DDRGK1: variants seen among roughly 807,000 people sequenced by gnomAD.
DDRGK1 encodes the protein DDRGK domain-containing protein 1.
DDRGK1 carries 38 observed loss-of-function variants against 45.8 expected under a neutral mutation model. The observed-to-expected ratio is 0.83, with a 90% CI of 0.64 to 1.09. The LOEUF (loss-of-function observed/expected upper bound fraction) is 1.09, where lower values mean the gene tolerates loss of function less well. Ranked by LOEUF, DDRGK1 falls within the 50% of genes least tolerant of loss-of-function variation. DDRGK1 has a pLI of 0.00. For synonymous variants in DDRGK1, 171 were observed against 168.7 expected, an observed-to-expected ratio of 1.01 and a Z score of -0.11; for missense variants, 403 against 419.9, an observed-to-expected ratio of 0.96 and a Z score of 0.35.
Position 3,204,570 on chromosome 20 carries a change from A to G in DDRGK1, c.58T>C (p.Phe20Leu). 6.3e-7 allele frequency: 1 copy of G among 1,579,918 alleles called. No homozygotes were observed. The highest frequency in any genetic ancestry group is 8.6e-7 in the Non-Finnish European group (1 of 1,168,840). Residue 20 changes from phenylalanine to leucine, a missense_variant, in exon 1 of 9, where the codon TTC becomes CTC. Coordinates refer to ENST00000354488, the MANE Select transcript of DDRGK1 (RefSeq NM_023935.3). ...AAALLVGFIL[F>L]LTRSRGRAAS... Reference sequence around the variant, plus strand: ...GCCCGGCCCCGGCTGCGAGTCAGGAAGAGGATAAAGCCGACTAGCAGAGCC... The same window carrying G: ...GCCCGGCCCCGGCTGCGAGTCAGGAGGAGGATAAAGCCGACTAGCAGAGCC...
At position 3,194,865 on chromosome 20, in the gene DDRGK1, G is replaced by C. The variant is rs2067003214; in HGVS notation, c.637C>G (p.Gln213Glu). The change falls in exon 6 of 9, where the codon CAG becomes GAG. Residue 213 changes from glutamine to glutamate, a missense_variant. Transcript: ENST00000354488. ...VGETMTEEQS[Q>E]SFLTEFINYI... ...TTGATGAACTCTGTCAGGAAGCTCT[G>C]GGACTAGAGAAGCAGAGAAATCAGG... The C allele has an allele frequency of 1.2e-6, 2 of 1,613,976 alleles. No homozygotes were observed. The highest frequency in any genetic ancestry group is 1.1e-5 in the South Asian group (1 of 91,078).
intron 2 of DDRGK1, among the ~76,000 whole-genome samples, chr20:3,201,549 T>C (rs891989990): frequency 2.0e-5 from 3 of 151,270 alleles, no homozygotes; most frequent in African/African-American, 7.3e-5. Context: ...CAGATTAAAA[T>C]ATGCAAGTGT....
chr20:3,204,528 A>G lies in DDRGK1; in HGVS notation c.91+9T>C. ...GTACCACCAACCCTGGTGCAGCGGC[A>G]TCTCCTACCTGATGCCGCCCGGCCC... On this transcript the variant is annotated intron_variant, in intron 1 of 8. Coordinates refer to ENST00000354488, the MANE Select transcript of DDRGK1 (RefSeq NM_023935.3). 3 of 1,554,994 alleles carry G rather than the reference A, an allele frequency of 1.9e-6. No individual in the cohort carries two copies. Among genetic ancestry groups the G allele is most frequent in the Non-Finnish European group, 2.6e-6 (3 of 1,156,894 alleles).
chr20:3,192,483 C>T (rs1318763045), intron 6 of DDRGK1, among the ~76,000 whole-genome samples: 2 of 152,190 alleles, frequency 1.3e-5, no homozygotes, highest in East Asian at 1.9e-4. Flanking sequence ...CTTCGCTGGC[C>T]GCCCCACTGG....
At chr20:3,191,605 G>T in intron 7 of DDRGK1, 160 bp downstream of exon 7, 1 of 874,390 alleles carries the variant, frequency 1.1e-6, no homozygotes, top group Non-Finnish European at 1.9e-6. Flanking sequence ...CATTAAAAAT[G>T]CAGGATTCCC....
chr20:3,197,502 G>A (rs1485184295), intron 4 of DDRGK1, among the ~76,000 whole-genome samples: 2 of 152,150 alleles, frequency 1.3e-5, no homozygotes, highest in Non-Finnish European at 2.9e-5. Flanking sequence ...TGCATATTTG[G>A]TATGTTGCAT....
At chr20:3,191,065 C>A (rs1336764150) in intron 8 of DDRGK1, 125 bp downstream of exon 8, 3 of 1,314,520 alleles carry the variant, frequency 2.3e-6, no homozygotes, top group Non-Finnish European at 2.1e-6. Context: ...TACTCAGTGC[C>A]CCTCCTTGCA....
In DDRGK1 at chr20:3,200,435, G is replaced by A. The variant is rs780500772; in HGVS notation, c.315C>T (p.Val105=). The change falls in exon 3 of 9, where the codon GTC becomes GTT. Residue 105 remains valine, a synonymous_variant. Transcript: ENST00000354488. ...ACAGGTGAGTTTCCGCTGGCTTCTC[G>A]ACACCTTCCTCCTCCTGGGCTGGGT... is the stretch of plus-strand genomic sequence containing the variant. ...AVILAQEEEG[V]EKPAETHLSG... is the part of the protein sequence containing the mutation. 2.2e-5 allele frequency: 35 copies of A among 1,577,110 alleles called. No homozygotes were observed. In the East Asian group the frequency reaches 3.5e-4, roughly 16 times the overall value.
intron 7 of DDRGK1, 104 bp downstream of exon 7, chr20:3,191,660 AC>A: frequency 7.6e-7 from 1 of 1,308,948 alleles, no homozygotes; most frequent in Non-Finnish European, 1.1e-6. Context: ...TTGGTTGGGG[AC>A]AAGGTAGACG....
intron 4 of DDRGK1, among the ~76,000 whole-genome samples, chr20:3,198,700 CAAAAAAAA>C (rs151197280): frequency 2.4e-5 from 1 of 41,578 alleles, no homozygotes; most frequent in African/African-American, 1.0e-4. Flanking sequence ...AACTCCGTTT[CAAAAAAAA>C]AAAAAAAAAA....
chr20:3,201,815 G>GC (rs1200763682), intron 2 of DDRGK1, among the ~76,000 whole-genome samples: 1 of 150,448 alleles, frequency 6.6e-6, no homozygotes, highest in East Asian at 2.0e-4. Flanking sequence ...CAGCCACCAT[G>GC]CCCCCCTGAT....
chr20:3,196,064 C>T (rs2067008562), intron 4 of DDRGK1, among the ~76,000 whole-genome samples: 1 of 152,134 alleles, frequency 6.6e-6, no homozygotes, highest in African/African-American at 2.4e-5. Flanking sequence ...CCCTTCCTTG[C>T]CAGTGACTAC....
chr20:3,195,008 C>T, intron 5 of DDRGK1, 140 bp from the exon 6 acceptor site: 1 of 1,332,846 alleles, frequency 7.5e-7, no homozygotes, highest in Non-Finnish European at 1.0e-6. Flanking sequence ...CCTGCACATA[C>T]CGCTTGCCTA....
intron 2 of DDRGK1, among the ~76,000 whole-genome samples, chr20:3,200,801 C>T (rs1376022467): frequency 2.0e-5 from 3 of 152,006 alleles, no homozygotes; most frequent in African/African-American, 7.2e-5. Context: ...CATGGTGAAA[C>T]CCCATCTCTA....
Position 3,203,436 on chromosome 20 carries a change from G to A in DDRGK1, c.92-20C>T. 6.5e-7 allele frequency: 1 copy of A among 1,530,942 alleles called. No individual in the cohort carries two copies. Among genetic ancestry groups the A allele is most frequent in the South Asian group, 1.2e-5 (1 of 80,098 alleles). The allele number at this position is 1,530,942 out of a possible 1,614,324, so 94.8% of individuals were successfully genotyped here. A position where few individuals can be genotyped will look rare whatever the true frequency, so the allele number is the denominator to read the frequency against. ...GGCCGGCTGTAGGGAAGACAGAAATGACAATGCTGCCTATAAGCCCAGCCC... is the reference window on the plus strand; with the variant it reads ...GGCCGGCTGTAGGGAAGACAGAAATAACAATGCTGCCTATAAGCCCAGCCC... On this transcript the variant is annotated intron_variant, in intron 1 of 8. Transcript: ENST00000354488.
intron 2 of DDRGK1, among the ~76,000 whole-genome samples, chr20:3,202,602 G>T (rs1220891573): frequency 1.3e-5 from 2 of 152,180 alleles, no homozygotes; most frequent in Non-Finnish European, 2.9e-5. Flanking sequence ...GAGCCAGAAG[G>T]TACGGCAAAG....
chr20:3,204,661 C>T lies in DDRGK1; in HGVS notation c.-34G>A, dbSNP rs762310988. 4 of 1,549,640 alleles carry T rather than the reference C, an allele frequency of 2.6e-6. No homozygotes were observed. The highest frequency in any genetic ancestry group is 1.9e-5 in the Admixed American group (1 of 51,364). On this transcript the variant is annotated 5_prime_UTR_variant, in exon 1 of 9. It adds an upstream start codon to the 5' untranslated region. Coordinates refer to ENST00000354488, the MANE Select transcript of DDRGK1 (RefSeq NM_023935.3). ...CCTCAGTGCAGAACCACTGCGTCCACCCTGAGGCCGGGATCTCATAGGCCC... is the reference window on the plus strand; with the variant it reads ...CCTCAGTGCAGAACCACTGCGTCCATCCTGAGGCCGGGATCTCATAGGCCC...
chr20:3,201,158 C>T (rs1215699569), intron 2 of DDRGK1, among the ~76,000 whole-genome samples: 1 of 151,382 alleles, frequency 6.6e-6, no homozygotes, highest in Non-Finnish European at 1.5e-5. Context: ...GTGGCGGGTG[C>T]CTGTAGTCCC....
chr20:3,202,158 G>A lies in DDRGK1; in HGVS notation c.295+1055C>T, dbSNP rs1422425763. On this transcript the variant is annotated intron_variant, in intron 2 of 8. Transcript: ENST00000354488. ...TCACGCCCGGCTAATTTTTTGTATTGTTAGCCAGGATGGTCTCGATCTCCT... is the reference window on the plus strand; with the variant it reads ...TCACGCCCGGCTAATTTTTTGTATTATTAGCCAGGATGGTCTCGATCTCCT... 4.7e-5 allele frequency among the ~76,000 whole-genome samples: 7 copies of A among 150,332 alleles called. 1 individual carries two copies. In the South Asian group the frequency reaches 1.5e-3, roughly 32 times the overall value.
Sources: allele counts gnomAD v4.1 joint callset (sites outside exome capture counted in the v4.1 genomes callset), GRCh38; gene constraint gnomAD v4.1.1; transcripts MANE v1.5; gene names NCBI Gene and HGNC (gene_info 2026-07-23, HGNC 2026-07-21).